Variants in ARMC2 observed in about 807,000 individuals in gnomAD.
ARMC2 encodes the protein armadillo repeat containing 2.
In ARMC2, 67 loss-of-function variants were observed where a neutral mutation model predicts 90.3. The ratio of observed to expected loss-of-function variants is 0.74; its 90% CI spans 0.61 to 0.91. ARMC2 has a LOEUF of 0.91. Among genes scored for constraint, ARMC2 ranks in the 40% least tolerant of loss-of-function variants. The probability of loss-of-function intolerance (pLI) is 0.00; values close to 1 mark genes in which losing one functional copy is unlikely to be tolerated. For missense variants in ARMC2, 920 were observed against 1,030.9 expected (o/e 0.89, Z 1.47); for synonymous variants, 393 against 393.0 (o/e 1.00, Z 0.00).
chr6:108,935,113 T>C (rs1478711067), intron 11 of ARMC2, among the ~76,000 whole-genome samples: 1 of 152,212 alleles, frequency 6.6e-6, no homozygotes, highest in Non-Finnish European at 1.5e-5. Flanking sequence ...ACCACTGTGT[T>C]ACCTTGCCTC....
intron 5 of ARMC2, among the ~76,000 whole-genome samples, chr6:108,888,248 A>G (rs576151430): frequency 4.6e-5 from 7 of 152,358 alleles, no homozygotes; most frequent in South Asian, 2.1e-4. Flanking sequence ...GACCACAGCC[A>G]TAATAGTAAA....
rs113396895 is a variant in ARMC2, at chr6:108,951,723, C to T, written c.1597-1310C>T. Among the ~76,000 whole-genome samples the T allele has an allele frequency of 1.2e-3, 179 of 152,358 alleles. 1 individual carries two copies. The highest frequency in any genetic ancestry group is 4.0e-3 in the African/African-American group (168 of 41,584). Reference sequence around the variant, plus strand: ...CCGACGCCCCTCACGGGGCCCCTGGCGTCGCACCTGGACATGCGCTCCTCG... The same window carrying T: ...CCGACGCCCCTCACGGGGCCCCTGGTGTCGCACCTGGACATGCGCTCCTCG... On this transcript the variant is annotated intron_variant, in intron 12 of 17. Transcript: ENST00000392644.
chr6:109,051,219 T>A, the ARMC2 span, among the ~76,000 whole-genome samples: 1 of 152,122 alleles, frequency 6.6e-6, no homozygotes, highest in Non-Finnish European at 1.5e-5. Flanking sequence ...TTCTTTTGGA[T>A]CAGTAGCTTT....
intron 10 of ARMC2, among the ~76,000 whole-genome samples, chr6:108,915,261 G>A (rs1289489026): frequency 6.6e-6 from 1 of 152,024 alleles, no homozygotes; most frequent in Non-Finnish European, 1.5e-5. Context: ...TGGCCAGGAG[G>A]CATTTTTAAA....
chr6:109,009,712 G>T, the ARMC2 span, among the ~76,000 whole-genome samples: 1 of 152,074 alleles, frequency 6.6e-6, no homozygotes, highest in Non-Finnish European at 1.5e-5. Context: ...CTGACGCGGC[G>T]AGGTGAAAAA....
At chr6:109,011,632 C>CTTT in the ARMC2 span, among the ~76,000 whole-genome samples, 1 of 138,658 alleles carries the variant, frequency 7.2e-6, no homozygotes, top group South Asian at 2.3e-4. Flanking sequence ...AATTTTTTTT[C>CTTT]TTTTTTTTTT....
the ARMC2 span, among the ~76,000 whole-genome samples, chr6:108,983,692 G>A: frequency 6.6e-6 from 1 of 152,140 alleles, no homozygotes; most frequent in Non-Finnish European, 1.5e-5. Context: ...CTCCAACTTT[G>A]TTCTTTTTCA....
chr6:109,023,391 C>T, the ARMC2 span, among the ~76,000 whole-genome samples: 1 of 152,212 alleles, frequency 6.6e-6, no homozygotes, highest in Non-Finnish European at 1.5e-5. Context: ...GGAAAATCTT[C>T]TACCACTTGA....
At chr6:108,892,097 T>C (rs1199767857) in intron 5 of ARMC2, among the ~76,000 whole-genome samples, 6 of 152,224 alleles carry the variant, frequency 3.9e-5, no homozygotes, top group African/African-American at 7.2e-5. Flanking sequence ...AGCCCATTAG[T>C]TGAAAAGTAT....
the ARMC2 span, among the ~76,000 whole-genome samples, chr6:108,982,284 T>C: frequency 2.7e-4 from 41 of 152,324 alleles, no homozygotes; most frequent in Admixed American, 2.3e-3. Context: ...GTTCAGTTTG[T>C]GGTCAAGGCC....
At chr6:108,932,512 A>G (rs1455688101) in intron 11 of ARMC2, among the ~76,000 whole-genome samples, 7 of 102,228 alleles carry the variant, frequency 6.8e-5, no homozygotes, top group African/African-American at 2.0e-4. Context: ...TCTTTTCTCC[A>G]TTGCTTTTTT....
the ARMC2 span, among the ~76,000 whole-genome samples, chr6:109,044,789 C>T: frequency 2.0e-5 from 3 of 152,084 alleles, no homozygotes; most frequent in South Asian, 2.1e-4. Context: ...TTTGGGAGGT[C>T]GAGGAGGGCA....
chr6:109,035,674 C>T, the ARMC2 span, among the ~76,000 whole-genome samples: 1 of 152,146 alleles, frequency 6.6e-6, no homozygotes, highest in Admixed American at 6.5e-5. Context: ...AGTCATAATG[C>T]ACTGCTGCCT....
chr6:109,026,468 G>A, the ARMC2 span, among the ~76,000 whole-genome samples: 10 of 152,130 alleles, frequency 6.6e-5, no homozygotes, highest in Non-Finnish European at 1.3e-4. Flanking sequence ...TTGGCTTGGA[G>A]TGGAATGGCT....
chr6:108,979,201 C>G (rs144646090), downstream of ARMC2, among the ~76,000 whole-genome samples: 584 of 152,330 alleles, frequency 3.8e-3, 6 homozygotes, highest in African/African-American at 0.014. Context: ...GTGACACAAT[C>G]TCTCAGCATT....
chr6:109,009,607 C>T, the ARMC2 span: 1 of 1,023,508 alleles, frequency 9.8e-7, no homozygotes, highest in Non-Finnish European at 1.2e-6. Context: ...GCCCCGCGCC[C>T]GTCATTTCAC....
intron 4 of ARMC2, among the ~76,000 whole-genome samples, chr6:108,875,374 C>T (rs1397022616): frequency 6.6e-6 from 1 of 152,146 alleles, no homozygotes; most frequent in African/African-American, 2.4e-5. Context: ...ACCTCTCCTC[C>T]TCTTTGCCTC....
the ARMC2 span, among the ~76,000 whole-genome samples, chr6:108,990,408 G>A: frequency 4.6e-5 from 7 of 152,214 alleles, no homozygotes; most frequent in African/African-American, 1.7e-4. Context: ...CCTGGAGGCA[G>A]CTGTCATTCA....
At chr6:109,001,331 T>G in the ARMC2 span, 1 of 1,613,870 alleles carries the variant, frequency 6.2e-7, no homozygotes, top group African/African-American at 1.3e-5. Flanking sequence ...TAACGGCCCA[T>G]CCATTTGCAG....
Sources: allele counts gnomAD v4.1 joint callset (sites outside exome capture counted in the v4.1 genomes callset), GRCh38; gene constraint gnomAD v4.1.1; transcripts MANE v1.5; gene names NCBI Gene and HGNC (gene_info 2026-07-23, HGNC 2026-07-21).